SAMSN1: variants seen among roughly 807,000 people sequenced by gnomAD.
The protein encoded by SAMSN1 is SAM domain-containing protein SAMSN-1.
A neutral mutation model predicts 42.0 loss-of-function variants in SAMSN1; 31 were observed. The observed-to-expected ratio is 0.74, with a 90% confidence interval of 0.55 to 1.00. The LOEUF (loss-of-function observed/expected upper bound fraction) is 1.00, where lower values mean the gene tolerates loss of function less well. Among genes scored for constraint, SAMSN1 ranks in the 50% least tolerant of loss-of-function variants. The pLI is 0.00. For synonymous variants in SAMSN1, 178 were observed against 151.9 expected, an observed-to-expected ratio of 1.17 and a Z score of -1.26; for missense variants, 464 against 439.4, an observed-to-expected ratio of 1.06 and a Z score of -0.50.
chr21:14,619,068 C>G (rs114192398), intron 2 of SAMSN1, among the ~76,000 whole-genome samples: 1 of 151,914 alleles, frequency 6.6e-6, no homozygotes, highest in Non-Finnish European at 1.5e-5. Context: ...AAAGCACTTC[C>G]GTATATAAAA....
chr21:14,502,767 G>A (rs1310212931), intron 5 of SAMSN1, among the ~76,000 whole-genome samples: 1 of 152,158 alleles, frequency 6.6e-6, no homozygotes, highest in Non-Finnish European at 1.5e-5. Flanking sequence ...TAACTAAGGA[G>A]CTTACTGTGG....
intron 2 of SAMSN1, among the ~76,000 whole-genome samples, chr21:14,557,978 TG>T (rs1980818360): frequency 6.6e-6 from 1 of 152,244 alleles, no homozygotes; most frequent in Non-Finnish European, 1.5e-5. Context: ...ATGTGGACTT[TG>T]GAGGAGTGAT....
intron 2 of SAMSN1, among the ~76,000 whole-genome samples, chr21:14,571,338 T>C (rs1426274620): frequency 2.0e-5 from 3 of 152,192 alleles, no homozygotes; most frequent in African/African-American, 7.2e-5. Context: ...AAAAAATCCT[T>C]TCTATGAGTG....
intron 2 of SAMSN1, among the ~76,000 whole-genome samples, chr21:14,621,028 AATAAGT>A (rs1439414483): frequency 2.0e-5 from 3 of 152,228 alleles, no homozygotes; most frequent in Admixed American, 6.5e-5. Flanking sequence ...ACGCAAACTG[AATAAGT>A]ATGTTTCTGG....
chr21:14,643,285 G>A (rs1283021716), intron 1 of SAMSN1, among the ~76,000 whole-genome samples: 1 of 152,156 alleles, frequency 6.6e-6, no homozygotes, highest in African/African-American at 2.4e-5. Context: ...ACTTTCAACA[G>A]TGAACAATAC....
At chr21:14,536,639 G>A (rs1979640172) in intron 1 of SAMSN1, among the ~76,000 whole-genome samples, 1 of 152,178 alleles carries the variant, frequency 6.6e-6, no homozygotes, top group Admixed American at 6.5e-5. Context: ...TTTAAAAGGT[G>A]CACTACGAAT....
intron 1 of SAMSN1, among the ~76,000 whole-genome samples, chr21:14,644,375 C>A (rs149538769): frequency 6.6e-6 from 1 of 152,046 alleles, no homozygotes; most frequent in African/African-American, 2.4e-5. Context: ...AGGTACCCCC[C>A]TTCCGGGCCC....
intron 2 of SAMSN1, among the ~76,000 whole-genome samples, chr21:14,625,709 T>C (rs138680567): frequency 1.2e-3 from 181 of 152,290 alleles, no homozygotes; most frequent in African/African-American, 4.0e-3. Context: ...CTGCCCAAAG[T>C]AATTTACAGA....
chr21:14,618,685 TGTGTGTGCGC>T (rs1169376167), intron 2 of SAMSN1, among the ~76,000 whole-genome samples: 46 of 99,754 alleles, frequency 4.6e-4, no homozygotes, highest in South Asian at 1.2e-3. Context: ...TGTGTGTGTG[TGTGTGTGCGC>T]GCGCGCGCAC....
chr21:14,512,518 C>G lies in SAMSN1; in HGVS notation c.335G>C (p.Gly112Ala). Reference sequence around the variant, plus strand: ...GAGGGACACCTTCTCTGTGTGGGTCCCAATCACAGGGTCACTGTTTCTATA... The same window carrying G: ...GAGGGACACCTTCTCTGTGTGGGTCGCAATCACAGGGTCACTGTTTCTATA... ...HPYRNSDPVI[G>A]THTEKVSLKA... Residue 112 changes from glycine to alanine, a missense_variant, in exon 4 of 8, where the codon GGG becomes GCG. By Grantham distance (60) the Gly-to-Ala change is moderately conservative. Coordinates refer to ENST00000400566, the MANE Select transcript of SAMSN1 (RefSeq NM_022136.5). The G allele has an allele frequency of 6.2e-7, 1 of 1,613,720 alleles. No homozygotes were observed. Among genetic ancestry groups the G allele is most frequent in the Non-Finnish European group, 8.5e-7 (1 of 1,179,676 alleles).
At chr21:14,515,622 A>C (rs1987880427) in intron 3 of SAMSN1, among the ~76,000 whole-genome samples, 1 of 152,184 alleles carries the variant, frequency 6.6e-6, no homozygotes, top group Admixed American at 6.5e-5. Context: ...AGCACAAGTG[A>C]CCAAAAAAAG....
intron 5 of SAMSN1, chr21:14,609,446 A>C: frequency 1.4e-6 from 1 of 717,316 alleles, no homozygotes; most frequent in Non-Finnish European, 2.6e-6. Context: ...TACTTTGGGA[A>C]AATGCAAAGT....
intron 7 of SAMSN1, among the ~76,000 whole-genome samples, chr21:14,494,791 A>G (rs1986845837): frequency 6.6e-6 from 1 of 152,126 alleles, no homozygotes; most frequent in Non-Finnish European, 1.5e-5. Context: ...TAAGAAGAGA[A>G]AAGGAAAAAT....
At chr21:14,578,764 G>A (rs978797436) in intron 2 of SAMSN1, among the ~76,000 whole-genome samples, 1 of 147,674 alleles carries the variant, frequency 6.8e-6, no homozygotes, top group African/African-American at 2.5e-5. Context: ...TAGTGTCCTT[G>A]TAGATTAGAT....
chr21:14,499,794 A>G (rs911211761), intron 6 of SAMSN1, among the ~76,000 whole-genome samples: 7 of 152,184 alleles, frequency 4.6e-5, no homozygotes, highest in African/African-American at 1.7e-4. Context: ...AGACAGGAAC[A>G]TAACTAGATA....
chr21:14,542,765 G>A (rs1409264043), intron 1 of SAMSN1, among the ~76,000 whole-genome samples: 1 of 152,008 alleles, frequency 6.6e-6, no homozygotes, highest in Admixed American at 6.6e-5. Flanking sequence ...AGCAACATAA[G>A]GAGACCTCAT....
intron 2 of SAMSN1, among the ~76,000 whole-genome samples, chr21:14,570,451 A>G (rs1450905006): frequency 6.6e-6 from 1 of 152,180 alleles, no homozygotes; most frequent in Non-Finnish European, 1.5e-5. Context: ...TAATTCCACT[A>G]AGCCACTATG....
intron 2 of SAMSN1, among the ~76,000 whole-genome samples, chr21:14,624,376 GT>G (rs1393902101): frequency 1.3e-5 from 2 of 151,892 alleles, no homozygotes; most frequent in Non-Finnish European, 2.9e-5. Context: ...TGATAGACTG[GT>G]AGCAAGACTA....
intron 5 of SAMSN1, among the ~76,000 whole-genome samples, chr21:14,502,480 C>A (rs1987208594): frequency 6.6e-6 from 1 of 152,148 alleles, no homozygotes; most frequent in Admixed American, 6.5e-5. Context: ...GACTCAATTT[C>A]ATTTTGGATA....
Sources: allele counts gnomAD v4.1 joint callset (sites outside exome capture counted in the v4.1 genomes callset), GRCh38; gene constraint gnomAD v4.1.1; transcripts MANE v1.5; gene names NCBI Gene and HGNC (gene_info 2026-07-23, HGNC 2026-07-21).